TM9SF3: variants seen among roughly 807,000 people sequenced by gnomAD.
TM9SF3 encodes the protein transmembrane 9 superfamily member 3, also known as SM-11044-binding protein.
In TM9SF3, 14 loss-of-function variants were observed where a neutral mutation model predicts 78.6. The observed-to-expected ratio is 0.18, with a 90% CI of 0.12 to 0.28. The LOEUF is 0.28. Ranked by LOEUF, TM9SF3 falls within the 10% of genes least tolerant of loss-of-function variation. The pLI is 1.00. For missense variants in TM9SF3, 496 were observed against 721.9 expected (o/e 0.69, Z 3.59); for synonymous variants, 231 against 241.7 (o/e 0.96, Z 0.41).
Position 96,525,868 on chromosome 10 carries a change from T to C in TM9SF3, c.1702+1345A>G, listed in dbSNP as rs201892540. Among the ~76,000 whole-genome samples, 4 of 152,104 alleles carry C rather than the reference T, an allele frequency of 2.6e-5. No homozygotes were observed. The East Asian group carries it at 5.8e-4, about 22-fold the overall frequency. On this transcript the variant is annotated intron_variant, in intron 14 of 14. Transcript: ENST00000371142. ...AAAAAAAGTGAGTTACTTGTATGAG[T>C]TTCCCTTAAGTTACCTCTGCCAGAA...
chr10:96,573,368 A>G (rs1284237539), intron 2 of TM9SF3, among the ~76,000 whole-genome samples: 2 of 152,136 alleles, frequency 1.3e-5, no homozygotes, highest in Admixed American at 1.3e-4. Flanking sequence ...AGCATGATCG[A>G]CTTTATCTTT....
At chr10:96,562,705 G>A (rs1423516576) in intron 3 of TM9SF3, among the ~76,000 whole-genome samples, 1 of 152,114 alleles carries the variant, frequency 6.6e-6, no homozygotes, top group African/African-American at 2.4e-5. Flanking sequence ...AAAAGGAGTG[G>A]TGAAGATAAA....
At chr10:96,550,077 G>A (rs1180543815) in intron 7 of TM9SF3, among the ~76,000 whole-genome samples, 1 of 152,104 alleles carries the variant, frequency 6.6e-6, no homozygotes, top group Non-Finnish European at 1.5e-5. Context: ...TGAACTACTC[G>A]CCAGAACTCT....
chr10:96,565,211 A>G, intron 3 of TM9SF3, 93 bp downstream of exon 3: 8 of 1,146,724 alleles, frequency 7.0e-6, no homozygotes, highest in Non-Finnish European at 9.3e-6. Flanking sequence ...CATTTACACC[A>G]TGATCCAGTA....
chr10:96,541,873 A>G (rs1848037507), intron 9 of TM9SF3, among the ~76,000 whole-genome samples: 2 of 152,222 alleles, frequency 1.3e-5, no homozygotes, highest in South Asian at 4.1e-4. Flanking sequence ...TCTCAGACAC[A>G]TGGCACCTAT....
chr10:96,520,896 G>C lies in TM9SF3; in HGVS notation c.*1367C>G, dbSNP rs1404944677. 1 of 397,092 alleles carries C rather than the reference G, an allele frequency of 2.5e-6. No homozygotes were observed. Among genetic ancestry groups the C allele is most frequent in the Non-Finnish European group, 4.4e-6 (1 of 224,774 alleles). 24.6% of individuals were successfully genotyped at this position (397,092 alleles called of 1,614,324 possible). ...CTGTATGAGAGTAGCATAGTTTATA[G>C]CATACTTTTAAAAATGGCATTCGGT... is the stretch of plus-strand genomic sequence containing the variant. On this transcript the variant is annotated 3_prime_UTR_variant, in exon 15 of 15. Transcript: ENST00000371142.
chr10:96,540,723 A>G (rs191803941), intron 9 of TM9SF3, among the ~76,000 whole-genome samples: 2 of 144,258 alleles, frequency 1.4e-5, no homozygotes, highest in African/African-American at 5.2e-5. Flanking sequence ...TGAACAGCTC[A>G]CCTTAGATGA....
At chr10:96,549,024 A>T (rs1246859341) in intron 7 of TM9SF3, among the ~76,000 whole-genome samples, 1 of 152,062 alleles carries the variant, frequency 6.6e-6, no homozygotes, top group Non-Finnish European at 1.5e-5. Flanking sequence ...ACATCTGAAG[A>T]GGTATTTAGC....
At chr10:96,585,895 GC>G (rs1316330298) in intron 1 of TM9SF3, among the ~76,000 whole-genome samples, 3 of 152,204 alleles carry the variant, frequency 2.0e-5, no homozygotes, top group African/African-American at 7.2e-5. Context: ...CTAAGTGAAA[GC>G]CATTTGAAGA....
intron 9 of TM9SF3, among the ~76,000 whole-genome samples, chr10:96,541,261 C>T (rs1490178337): frequency 2.0e-5 from 3 of 152,180 alleles, no homozygotes; most frequent in Non-Finnish European, 4.4e-5. Flanking sequence ...CTTGGCGAAT[C>T]CTTTCTCATT....
chr10:96,526,180 G>A (rs1470369404), intron 14 of TM9SF3, among the ~76,000 whole-genome samples: 1 of 152,044 alleles, frequency 6.6e-6, no homozygotes, highest in Non-Finnish European at 1.5e-5. Context: ...AGAGTAACAT[G>A]GCTATTAAGT....
chr10:96,583,894 C>A (rs186577800), intron 1 of TM9SF3, among the ~76,000 whole-genome samples: 18 of 152,200 alleles, frequency 1.2e-4, no homozygotes, highest in Admixed American at 2.0e-4. Flanking sequence ...ATTAGCCAGG[C>A]ATGGTGGCAA....
intron 5 of TM9SF3, among the ~76,000 whole-genome samples, chr10:96,559,183 C>CT (rs1219545571): frequency 6.6e-6 from 1 of 152,166 alleles, no homozygotes; most frequent in Non-Finnish European, 1.5e-5. Flanking sequence ...ACATTCTGTT[C>CT]TTTCTCACAC....
intron 6 of TM9SF3, among the ~76,000 whole-genome samples, chr10:96,552,594 T>C (rs1284600851): frequency 6.6e-6 from 1 of 152,210 alleles, no homozygotes; most frequent in Non-Finnish European, 1.5e-5. Flanking sequence ...TTAATCCTTC[T>C]ACCCATTCCC....
At chr10:96,573,835 T>C (rs1253723256) in intron 2 of TM9SF3, among the ~76,000 whole-genome samples, 2 of 152,174 alleles carry the variant, frequency 1.3e-5, no homozygotes, top group Non-Finnish European at 2.9e-5. Flanking sequence ...AAGGATTCCC[T>C]ATTTAATAGG....
chr10:96,574,106 CA>C (rs1421950813), intron 2 of TM9SF3, among the ~76,000 whole-genome samples: 1 of 152,108 alleles, frequency 6.6e-6, no homozygotes, highest in East Asian at 1.9e-4. Context: ...TTCTGCATAG[CA>C]AAAGAAACTA....
intron 4 of TM9SF3, among the ~76,000 whole-genome samples, chr10:96,560,020 T>TGATAA (rs769995472): frequency 1.1e-4 from 16 of 152,258 alleles, no homozygotes; most frequent in Non-Finnish European, 1.9e-4. Context: ...ATAAATGTGA[T>TGATAA]ATGAACTGAA....
At chr10:96,570,431 T>C (rs1163344110) in intron 2 of TM9SF3, among the ~76,000 whole-genome samples, 1 of 152,222 alleles carries the variant, frequency 6.6e-6, no homozygotes, top group African/African-American at 2.4e-5. Context: ...CAGAAAAATA[T>C]ATATGCATAT....
rs79017371 is a variant in TM9SF3, at chr10:96,570,283, T to C, written c.299-4857A>G. 5.7e-3 allele frequency among the ~76,000 whole-genome samples: 874 copies of C among 152,340 alleles called. 9 individuals carry two copies. The highest frequency in any genetic ancestry group is 0.02 in the African/African-American group (838 of 41,578). On this transcript the variant is annotated intron_variant, in intron 2 of 14. Transcript: ENST00000371142. ...ATGTAGAATGAACTCAACTTTCACA[T>C]ATTTAAAACAATGTGGATAAACACA...
Sources: allele counts gnomAD v4.1 joint callset (sites outside exome capture counted in the v4.1 genomes callset), GRCh38; gene constraint gnomAD v4.1.1; transcripts MANE v1.5; gene names NCBI Gene and HGNC (gene_info 2026-07-23, HGNC 2026-07-21).